VARS1: variants seen among roughly 807,000 people sequenced by gnomAD.
VARS1 encodes valyl-tRNA synthetase 1.
Under a neutral mutation model 161.0 loss-of-function variants are expected in VARS1, and 92 were observed. The observed-to-expected ratio is 0.57, with a 90% CI of 0.48 to 0.68. The LOEUF (loss-of-function observed/expected upper bound fraction) is 0.68, where lower values mean the gene tolerates loss of function less well. Among genes scored for constraint, VARS1 ranks in the 30% least tolerant of loss-of-function variants. The pLI is 0.00. For synonymous variants in VARS1, 595 were observed against 682.5 expected, an observed-to-expected ratio of 0.87 and a Z score of 2.00; for missense variants, 1,338 against 1,695.9, an observed-to-expected ratio of 0.79 and a Z score of 3.71.
intron 4 of VARS1, 112 bp from the exon 5 acceptor site, chr6:31,792,628 TC>T: frequency 3.8e-6 from 6 of 1,591,354 alleles, no homozygotes; most frequent in Non-Finnish European, 5.1e-6. Context: ...CATGCTGACC[TC>T]CCCCCTCTCC....
Position 31,784,729 on chromosome 6 carries a change from G to C in VARS1, c.1348-15C>G. The C allele has an allele frequency of 6.2e-7, 1 of 1,612,906 alleles. No homozygotes were observed. The highest frequency in any genetic ancestry group is 8.5e-7 in the Non-Finnish European group (1 of 1,179,990). The stretch of plus-strand genomic sequence containing the variant: ...GCTGAGAGTTTCTGGGGTGGAGGAG[G>C]GAGAAGTCAGAGAGATGGGCCTTGT... On this transcript the variant is annotated splice_polypyrimidine_tract_variant and intron_variant, in intron 10 of 29. Transcript: ENST00000375663. The surrounding 1 kb of genome is among the most constrained non-coding windows in gnomAD (Gnocchi z 6.1).
chr6:31,779,172 T>TG lies in VARS1; in HGVS notation c.3520dup (p.Gln1174ProfsTer10). ...AGAAGCCAGAGCCACAGCGCAACCC[T>TG]GGGGGGCGGGAGCCCCCAGGGCCAG... is the stretch of plus-strand genomic sequence containing the variant. On this transcript the variant is annotated frameshift_variant, in exon 29 of 30. Coordinates refer to ENST00000375663, the MANE Select transcript of VARS1 (RefSeq NM_006295.3). LOFTEE classifies it high-confidence loss of function. This position sits in a 1 kb window ranked among gnomAD's most constrained non-coding sequence, Gnocchi z 9.1. The TG allele has an allele frequency of 1.2e-6, 2 of 1,604,896 alleles. No homozygotes were observed. The highest frequency in any genetic ancestry group is 1.1e-5 in the South Asian group (1 of 90,412).
chr6:31,781,889 T>C lies in VARS1; in HGVS notation c.2305A>G (p.Lys769Glu), dbSNP rs1264207521. ...TTGTCAGGGGACACTCCGAACTCCTTGGCTGCCTTCTCCCGGGCCTCCGCC... is the reference window on the plus strand; with the variant it reads ...TTGTCAGGGGACACTCCGAACTCCTCGGCTGCCTTCTCCCGGGCCTCCGCC... Reference protein sequence around the residue: ...NEAEAREKAAKEFGVSPDKIS... With the variant: ...NEAEAREKAAEEFGVSPDKIS... The change falls in exon 19 of 30, where the codon AAG becomes GAG. Residue 769 changes from lysine (K) to glutamate (E), a missense_variant. Lys to Glu is a moderately conservative substitution (Grantham distance 56, BLOSUM62 1). Around this residue, in one of 3 missense-constraint regions of VARS1, gnomAD observed 902 missense variants for 1,090.3 expected, o/e 0.83. Coordinates refer to ENST00000375663, the MANE Select transcript of VARS1 (RefSeq NM_006295.3). The surrounding 1 kb of genome is among the most constrained non-coding windows in gnomAD (Gnocchi z 6.8). 5.6e-6 allele frequency: 9 copies of C among 1,612,958 alleles called. No homozygotes were observed. The highest frequency in any genetic ancestry group is 7.6e-6 in the Non-Finnish European group (9 of 1,180,034).
chr6:31,780,595 T>C lies in VARS1; in HGVS notation c.2798-27A>G, dbSNP rs1250384920. On this transcript the variant is annotated intron_variant, in intron 24 of 29. Transcript: ENST00000375663. The surrounding 1 kb of genome is among the most constrained non-coding windows in gnomAD (Gnocchi z 5.1). ...TGGGTCGGGGGTGAGATGTGAGTCC[T>C]CATCACCCTCTTCCCAGCCCATGCC... is the stretch of plus-strand genomic sequence containing the variant. 1 of 1,611,696 alleles carries C rather than the reference T, an allele frequency of 6.2e-7. No homozygotes were observed. The highest frequency in any genetic ancestry group is 8.5e-7 in the Non-Finnish European group (1 of 1,178,280).
rs1812865349 is a variant in VARS1 at position 31,778,184 on chromosome 6, G to A, written c.3727-522C>T. On this transcript the variant is annotated intron_variant, in intron 29 of 29. Coordinates refer to ENST00000375663, the MANE Select transcript of VARS1 (RefSeq NM_006295.3). The surrounding 1 kb of genome is among the most constrained non-coding windows in gnomAD (Gnocchi z 5.1). The stretch of plus-strand genomic sequence containing the variant: ...TGGCCTTCCAGGGTCAGCCCAGTAG[G>A]CTTGAAAGTAAGTGGTGGGAGGCCC... The A allele has an allele frequency of 6.3e-6, 1 of 158,214 alleles. No homozygotes were observed. The highest frequency in any genetic ancestry group is 6.1e-5 in the Admixed American group (1 of 16,348). The allele number at this position is 158,214 out of a possible 1,614,324, so 9.8% of individuals were successfully genotyped here.
chr6:31,785,864 G>T lies in VARS1; in HGVS notation c.1101-131C>A. On this transcript the variant is annotated intron_variant, in intron 8 of 29. Coordinates refer to ENST00000375663, the MANE Select transcript of VARS1 (RefSeq NM_006295.3). This position sits in a 1 kb window ranked among gnomAD's most constrained non-coding sequence, Gnocchi z 6.1. Reference sequence around the variant, plus strand: ...AGGGAGGCCGGACGCGGTGGCTCACGCCTGTAATCCCAGAACTTTGGGAGG... The same window carrying T: ...AGGGAGGCCGGACGCGGTGGCTCACTCCTGTAATCCCAGAACTTTGGGAGG... The T allele has an allele frequency of 8.4e-7, 1 of 1,192,608 alleles. No individual in the cohort carries two copies. The highest frequency in any genetic ancestry group is 1.1e-6 in the Non-Finnish European group (1 of 876,730). 73.9% of individuals were successfully genotyped at this position (1,192,608 alleles called of 1,614,324 possible).
At position 31,777,618 on chromosome 6, in the gene VARS1, G is replaced by A; in HGVS notation, c.3771C>T (p.Ile1257=). 7 of 1,614,088 alleles carry A rather than the reference G, an allele frequency of 4.3e-6. No homozygotes were observed. Among genetic ancestry groups the A allele is most frequent in the Non-Finnish European group, 5.9e-6 (7 of 1,179,986 alleles). ...ATCACAGCATCTTCTGGAATAGGGC[G>A]ATGGCCTCATCCACCTTCCTGAGCT... ...EAELRKVDEA[I]ALFQKML is the part of the protein sequence containing the mutation. Residue 1257 remains isoleucine, a synonymous_variant, in exon 30 of 30, where the codon ATC becomes ATT. Transcript: ENST00000375663. This position sits in a 1 kb window ranked among gnomAD's most constrained non-coding sequence, Gnocchi z 5.8.
In VARS1 at chr6:31,778,994, G is replaced by A. The variant is rs149834599; in HGVS notation, c.3699C>T (p.Leu1233=). 59 of 1,612,930 alleles carry A rather than the reference G, an allele frequency of 3.7e-5. No individual in the cohort carries two copies. The highest frequency in any genetic ancestry group is 1.0e-4 in the Admixed American group (6 of 59,996). Residue 1233 remains leucine (L), a synonymous_variant, in exon 29 of 30, where the codon CTC becomes CTT. Transcript: ENST00000375663. The surrounding 1 kb of genome is among the most constrained non-coding windows in gnomAD (Gnocchi z 5.1). The part of the protein sequence containing the change: ...AASGYPVKVP[L]EVQEADEAKL... ...TGGCTTCATCTGCCTCCTGGACTTCGAGCGGCACCTTGACAGGATAGCCCG... is the reference window on the plus strand; with the variant it reads ...TGGCTTCATCTGCCTCCTGGACTTCAAGCGGCACCTTGACAGGATAGCCCG...
At chr6:31,786,325 C>A (rs1000415832) in intron 8 of VARS1, among the ~76,000 whole-genome samples, 13 of 151,242 alleles carry the variant, frequency 8.6e-5, no homozygotes, top group Admixed American at 5.9e-4. Context: ...GATTCTAAAG[C>A]TAGTCAAGGA....
chr6:31,789,791 C>T (rs189158375), intron 8 of VARS1, among the ~76,000 whole-genome samples: 1,753 of 152,046 alleles, frequency 0.012, 18 homozygotes, highest in African/African-American at 0.028. Flanking sequence ...GAGTCCGAGG[C>T]GGGCGGATCA....
chr6:31,793,790 A>G (rs1367559752), intron 2 of VARS1, among the ~76,000 whole-genome samples: 1 of 151,766 alleles, frequency 6.6e-6, no homozygotes, highest in African/African-American at 2.4e-5. Context: ...AACTCCTATG[A>G]AGAAAAATAA....
rs1443268700 is a variant in VARS1, at chr6:31,779,666, C to T, written c.3230G>A (p.Arg1077Gln). 27 of 1,612,876 alleles carry T rather than the reference C, an allele frequency of 1.7e-5. No individual in the cohort carries two copies. Among genetic ancestry groups the T allele is most frequent in the Middle Eastern group, 1.6e-4 (1 of 6,062 alleles). ...VTEELFQRLPRRMPQAPPSLC... is the reference protein window; with the variant it reads ...VTEELFQRLPQRMPQAPPSLC... ...GCTAGGGGGAGCTTGCGGCATCCTC[C>T]GGGGCAGCCTCTGGAACAGCTCCTC... is the stretch of plus-strand genomic sequence containing the variant. The change falls in exon 27 of 30, where the codon CGG (arginine) becomes CAG (glutamine). Residue 1077 changes from arginine (R) to glutamine (Q), a missense_variant. Transcript: ENST00000375663. The surrounding 1 kb of genome is among the most constrained non-coding windows in gnomAD (Gnocchi z 9.1).
Position 31,777,758 on chromosome 6 carries a change from A to G in VARS1, c.3727-96T>C, listed in dbSNP as rs1812835175. 7.0e-7 allele frequency: 1 copy of G among 1,436,702 alleles called. No homozygotes were observed. Among genetic ancestry groups the G allele is most frequent in the Non-Finnish European group, 9.6e-7 (1 of 1,044,220 alleles). 89.0% of individuals were successfully genotyped at this position (1,436,702 alleles called of 1,614,324 possible). A position where few individuals can be genotyped will look rare whatever the true frequency, so the allele number is the denominator to read the frequency against. On this transcript the variant is annotated intron_variant, in intron 29 of 29. Transcript: ENST00000375663. This position sits in a 1 kb window ranked among gnomAD's most constrained non-coding sequence, Gnocchi z 5.8. ...AAAGTTGGAAAGATGAGCGAGGACC[A>G]TGGGAGGTCAGTAGCTCAGAGGAGG...
chr6:31,793,069 G>T lies in VARS1; in HGVS notation c.439C>A (p.Arg147=). ...RALSPLEEWL[R]LHTYLAGEAP... ...TCCCCGGCCAAGTAGGTGTGCAGCC[G>T]AAGCCACTCCTCCAAGGGGCTCAGG... The change falls in exon 3 of 30, where the codon CGG becomes AGG. Residue 147 remains arginine (R), a synonymous_variant. Coordinates refer to ENST00000375663, the MANE Select transcript of VARS1 (RefSeq NM_006295.3). 1 of 1,612,858 alleles carries T rather than the reference G, an allele frequency of 6.2e-7. No homozygotes were observed.
chr6:31,783,291 G>A, intron 13 of VARS1, 105 bp from the exon 14 acceptor site: 1 of 1,226,934 alleles, frequency 8.2e-7, no homozygotes, highest in Non-Finnish European at 1.2e-6. Flanking sequence ...GATCACTTGA[G>A]GCCGGGAGTT....
chr6:31,779,855 G>A lies in VARS1; in HGVS notation c.3082-41C>T. The A allele has an allele frequency of 4.4e-6, 7 of 1,608,980 alleles. No homozygotes were observed. Among genetic ancestry groups the A allele is most frequent in the Non-Finnish European group, 5.9e-6 (7 of 1,177,188 alleles). ...TACAGGGCTCACGGCTGGAGGTCTAGCCTTGAGCCCTCGCTGTGCCTGTGA... is the reference window on the plus strand; with the variant it reads ...TACAGGGCTCACGGCTGGAGGTCTAACCTTGAGCCCTCGCTGTGCCTGTGA... On this transcript the variant is annotated intron_variant, in intron 26 of 29. Coordinates refer to ENST00000375663, the MANE Select transcript of VARS1 (RefSeq NM_006295.3). This position sits in a 1 kb window ranked among gnomAD's most constrained non-coding sequence, Gnocchi z 9.1.
intron 8 of VARS1, among the ~76,000 whole-genome samples, chr6:31,789,955 C>T (rs373624594): frequency 7.9e-5 from 12 of 151,716 alleles, no homozygotes; most frequent in East Asian, 3.9e-4. Context: ...ACGTGGGAGG[C>T]GGAGTTTGGA....
chr6:31,788,888 ACAAT>A (rs1343330835), intron 8 of VARS1, among the ~76,000 whole-genome samples: 1 of 152,074 alleles, frequency 6.6e-6, no homozygotes, highest in African/African-American at 2.4e-5. Flanking sequence ...TGCAAAATGC[ACAAT>A]CAAACATTAT....
In VARS1 at chr6:31,780,949, A is replaced by G. The variant is rs1261368924; in HGVS notation, c.2650-11T>C. The G allele has an allele frequency of 6.2e-7, 1 of 1,613,878 alleles. No individual in the cohort carries two copies. Among genetic ancestry groups the G allele is most frequent in the Non-Finnish European group, 8.5e-7 (1 of 1,180,008 alleles). On this transcript the variant is annotated splice_polypyrimidine_tract_variant and intron_variant, in intron 22 of 29. Transcript: ENST00000375663. The surrounding 1 kb of genome is among the most constrained non-coding windows in gnomAD (Gnocchi z 5.1). ...CTGGTTGTGGAGGCCCTGAGGGTGGAGTGGGAGCAGTCAGGTGGCTGTGAC... is the reference window on the plus strand; with the variant it reads ...CTGGTTGTGGAGGCCCTGAGGGTGGGGTGGGAGCAGTCAGGTGGCTGTGAC...
Sources: gnomAD v4.1 joint callset for allele counts (sites outside exome capture counted in the v4.1 genomes callset) on GRCh38, gnomAD v4.1.1 for gene constraint, gnomAD v4.1.1 regional missense constraint, Gnocchi (gnomAD v3.1) non-coding constraint, MANE v1.5 for transcripts, NCBI Gene and HGNC (gene_info 2026-07-23, HGNC 2026-07-21) for gene names.